PPM1H: variants seen among roughly 807,000 people sequenced by gnomAD.
PPM1H encodes the protein protein phosphatase 1H.
A neutral mutation model predicts 54.9 loss-of-function variants in PPM1H; 27 were observed. The ratio of observed to expected loss-of-function variants is 0.49; its 90% CI spans 0.36 to 0.68. The LOEUF (loss-of-function observed/expected upper bound fraction) is 0.68, where lower values mean the gene tolerates loss of function less well. Among genes scored for constraint, PPM1H ranks in the 30% least tolerant of loss-of-function variants. The pLI is 0.00. For synonymous variants in PPM1H, 305 were observed against 270.8 expected, an observed-to-expected ratio of 1.13 and a Z score of -1.24; for missense variants, 596 against 667.8, an observed-to-expected ratio of 0.89 and a Z score of 1.19.
chr12:62,737,531 C>T lies in PPM1H; in HGVS notation c.925G>A (p.Glu309Lys), dbSNP rs199521003. 109 of 1,586,708 alleles carry T rather than the reference C, an allele frequency of 6.9e-5. No homozygotes were observed. The highest frequency in any genetic ancestry group is 8.8e-5 in the Non-Finnish European group (103 of 1,165,654). The stretch of plus-strand genomic sequence containing the variant: ...TACTGAAGTCGCTGGCGCTCCGTCT[C>T]GGGGGTAAATTCTGAAGACATGGGG... ...IIPMSSEFTP[E>K]TERQRLQYLA... The change falls in exon 5 of 10, where the codon GAG (glutamate) becomes AAG (lysine). Residue 309 changes from glutamate to lysine, a missense_variant. Glu to Lys is a moderately conservative substitution (Grantham distance 56). Coordinates refer to ENST00000228705, the MANE Select transcript of PPM1H (RefSeq NM_020700.2).
At chr12:62,734,505 C>T (rs1389871832) in intron 5 of PPM1H, among the ~76,000 whole-genome samples, 1 of 151,670 alleles carries the variant, frequency 6.6e-6, no homozygotes, top group Non-Finnish European at 1.5e-5. Context: ...ATTACATACA[C>T]TTACGTGAGA....
intron 3 of PPM1H, among the ~76,000 whole-genome samples, chr12:62,795,058 C>T (rs1425550934): frequency 6.6e-6 from 1 of 152,174 alleles, no homozygotes; most frequent in Admixed American, 6.5e-5. Context: ...ACAGTGTACA[C>T]AGTAAGTATT....
intron 4 of PPM1H, chr12:62,755,562 G>T: frequency 1.5e-6 from 1 of 661,612 alleles, no homozygotes; most frequent in Non-Finnish European, 2.7e-6. Flanking sequence ...CTCACTTGCA[G>T]CGGGGAGCCA....
intron 7 of PPM1H, among the ~76,000 whole-genome samples, chr12:62,691,491 C>A (rs979128080): frequency 6.6e-6 from 1 of 152,134 alleles, no homozygotes; most frequent in African/African-American, 2.4e-5. Context: ...GAAATGAAAC[C>A]ATGACACCTT....
intron 1 of PPM1H, among the ~76,000 whole-genome samples, chr12:62,904,490 G>A (rs751761112): frequency 3.3e-5 from 5 of 152,150 alleles, no homozygotes; most frequent in Non-Finnish European, 7.3e-5. Context: ...TTATAGATCA[G>A]TGAACACAAT....
chr12:62,915,302 T>TGCCTGCAGC (rs936930116), intron 1 of PPM1H, among the ~76,000 whole-genome samples: 3 of 152,188 alleles, frequency 2.0e-5, no homozygotes, highest in African/African-American at 4.8e-5. Flanking sequence ...ATGTGGTGAG[T>TGCCTGCAGC]GCCTGCAGCG....
At chr12:62,824,512 T>G (rs2120828711) in intron 2 of PPM1H, among the ~76,000 whole-genome samples, 2 of 152,280 alleles carry the variant, frequency 1.3e-5, no homozygotes, top group East Asian at 3.9e-4. Context: ...ACTACAAGGC[T>G]ACAGTAACCA....
At chr12:62,797,938 C>T (rs1369117455) in intron 3 of PPM1H, among the ~76,000 whole-genome samples, 4 of 152,130 alleles carry the variant, frequency 2.6e-5, no homozygotes, top group Non-Finnish European at 4.4e-5. Flanking sequence ...ACAGCAGGCA[C>T]CCACTGACCC....
chr12:62,837,774 G>T (rs1478313904), intron 1 of PPM1H, among the ~76,000 whole-genome samples: 1 of 152,222 alleles, frequency 6.6e-6, no homozygotes. Flanking sequence ...CAAATGCAAA[G>T]CTAGCTGCCT....
chr12:62,711,585 A>G (rs1273945673), intron 6 of PPM1H, among the ~76,000 whole-genome samples: 1 of 152,162 alleles, frequency 6.6e-6, no homozygotes, highest in African/African-American at 2.4e-5. Context: ...TATCACATAC[A>G]TACTGTACAA....
chr12:62,758,692 C>A (rs192410705), intron 4 of PPM1H, among the ~76,000 whole-genome samples: 2,157 of 152,186 alleles, frequency 0.014, 25 homozygotes, highest in Middle Eastern at 0.041. Context: ...GCATCTAACC[C>A]AAGACAGGTG....
chr12:62,688,316 C>T (rs1424667191), intron 8 of PPM1H, among the ~76,000 whole-genome samples: 4 of 152,134 alleles, frequency 2.6e-5, no homozygotes, highest in African/African-American at 9.7e-5. Context: ...AGAGACGCTA[C>T]AGCCCTGACA....
At chr12:62,657,877 G>GGAGA (rs957851559) in intron 9 of PPM1H, among the ~76,000 whole-genome samples, 18 of 152,102 alleles carry the variant, frequency 1.2e-4, no homozygotes, top group African/African-American at 4.1e-4. Flanking sequence ...TCTGAGCCAA[G>GGAGA]GAGAGCATGG....
chr12:62,684,585 G>A (rs992277451), intron 8 of PPM1H, among the ~76,000 whole-genome samples: 10 of 152,092 alleles, frequency 6.6e-5, no homozygotes, highest in Non-Finnish European at 8.8e-5. Flanking sequence ...AGATTTTTGC[G>A]CACTTTTTCT....
In PPM1H at chr12:62,920,759, C is replaced by T. The variant is rs182516327; in HGVS notation, c.245+13733G>A. Among the ~76,000 whole-genome samples the T allele has an allele frequency of 3.7e-4, 57 of 152,180 alleles. 2 individuals carry two copies. In the South Asian group the frequency reaches 0.011, roughly 28 times the overall value. ...ACTGTACCTTACAATTTGCTTCCTA[C>T]TGAACATTTACACTCCATCTTTTAT... On this transcript the variant is annotated intron_variant, in intron 1 of 9. Transcript: ENST00000228705.
intron 1 of PPM1H, among the ~76,000 whole-genome samples, chr12:62,878,322 A>G (rs535183134): frequency 6.6e-6 from 1 of 152,306 alleles, no homozygotes; most frequent in South Asian, 2.1e-4. Flanking sequence ...GACCCCCATC[A>G]GGGTGTGGCA....
intron 1 of PPM1H, among the ~76,000 whole-genome samples, chr12:62,896,898 C>A (rs1421479950): frequency 6.6e-6 from 1 of 152,056 alleles, no homozygotes; most frequent in Non-Finnish European, 1.5e-5. Context: ...GGCACACATA[C>A]ACTATGGAAT....
intron 9 of PPM1H, among the ~76,000 whole-genome samples, chr12:62,659,446 TGA>T (rs1297815609): frequency 2.6e-5 from 4 of 152,148 alleles, no homozygotes; most frequent in Admixed American, 1.3e-4. Context: ...CATCTCTGCC[TGA>T]GAGGATGGTG....
At chr12:62,903,241 T>A (rs1025609473) in intron 1 of PPM1H, among the ~76,000 whole-genome samples, 1 of 152,308 alleles carries the variant, frequency 6.6e-6, no homozygotes, top group African/African-American at 2.4e-5. Flanking sequence ...ACATCAAGTC[T>A]GAAAGCTTCT....
Sources: gnomAD v4.1 joint callset for allele counts (sites outside exome capture counted in the v4.1 genomes callset) on GRCh38, gnomAD v4.1.1 for gene constraint, MANE v1.5 for transcripts, NCBI Gene and HGNC (gene_info 2026-07-23, HGNC 2026-07-21) for gene names.